Variants in RADX observed in about 807,000 individuals in gnomAD.
RADX encodes the protein RPA-related protein RADX.
RADX carries 36 observed loss-of-function variants against 61.6 expected under a neutral mutation model. The observed-to-expected ratio is 0.58, with a 90% confidence interval of 0.45 to 0.77. The LOEUF is 0.77. Among genes scored for constraint, RADX ranks in the 30% least tolerant of loss-of-function variants. The pLI is 0.00. For synonymous variants in RADX, 272 were observed against 237.9 expected (o/e 1.14, Z -1.32); for missense variants, 497 against 651.1 (o/e 0.76, Z 2.58).
intron 1 of RADX, among the ~76,000 whole-genome samples, chrX:106,620,505 T>C (rs1290906168): frequency 9.1e-6 from 1 of 109,985 alleles, no homozygotes; most frequent in Non-Finnish European, 1.9e-5. Context: ...AAACCCCGTC[T>C]CTACTAAAAA....
intron 12 of RADX, among the ~76,000 whole-genome samples, chrX:106,662,971 A>T (rs1928142062): frequency 9.0e-6 from 1 of 110,901 alleles, no homozygotes; most frequent in Non-Finnish European, 1.9e-5. Flanking sequence ...ACACAAAAAA[A>T]TTCTAAAACA....
chrX:106,667,304 GGTTTGTTTGTTT>G (rs111939588), intron 12 of RADX, among the ~76,000 whole-genome samples: 2 of 110,582 alleles, frequency 1.8e-5, no homozygotes, highest in Non-Finnish European at 3.8e-5. Context: ...GAACTCTAGT[GGTTTGTTTGTTT>G]GTTTGTTTGT....
chrX:106,653,064 A>G (rs1472984523), intron 11 of RADX, among the ~76,000 whole-genome samples: 5 of 109,240 alleles, frequency 4.6e-5, no homozygotes, highest in African/African-American at 1.7e-4. Context: ...CAAAATAAAG[A>G]CAAAAGCTGC....
chrX:106,626,875 T>A (rs759060556), intron 3 of RADX, among the ~76,000 whole-genome samples: 1 of 111,225 alleles, frequency 9.0e-6, no homozygotes, highest in Admixed American at 9.5e-5. Flanking sequence ...TTTTGCCCTC[T>A]TTTTTTAGGA....
At chrX:106,645,527 A>C (rs1296188215) in intron 10 of RADX, among the ~76,000 whole-genome samples, 1 of 111,469 alleles carries the variant, frequency 9.0e-6, no homozygotes, top group Non-Finnish European at 1.9e-5. Context: ...TAATTGAAGA[A>C]TATGCTGTTT....
chrX:106,630,738 C>T (rs1166941572), intron 3 of RADX, among the ~76,000 whole-genome samples: 1 of 110,886 alleles, frequency 9.0e-6, no homozygotes, highest in Non-Finnish European at 1.9e-5. Context: ...GGGAACAGCA[C>T]ACACTGTGGC....
At chrX:106,675,681 A>G (rs746015370) in intron 13 of RADX, among the ~76,000 whole-genome samples, 10 of 112,368 alleles carry the variant, frequency 8.9e-5, no homozygotes, top group African/African-American at 3.2e-4. Flanking sequence ...CCTTTGTCAC[A>G]CTTAACTTAT....
At chrX:106,621,957 C>T (rs1444013583) in intron 1 of RADX, among the ~76,000 whole-genome samples, 1 of 97,112 alleles carries the variant, frequency 1.0e-5, no homozygotes, top group Non-Finnish European at 2.0e-5. Context: ...GACAGGCTCT[C>T]AATTGCTCAG....
intron 2 of RADX, among the ~76,000 whole-genome samples, chrX:106,624,358 C>T (rs1412080563): frequency 9.0e-6 from 1 of 111,665 alleles, no homozygotes; most frequent in Non-Finnish European, 1.9e-5. Flanking sequence ...CTCTACTGTG[C>T]GCTCCCTGAC....
intron 8 of RADX, among the ~76,000 whole-genome samples, chrX:106,639,110 GA>G (rs1927440104): frequency 9.0e-6 from 1 of 111,016 alleles, no homozygotes; most frequent in Non-Finnish European, 1.9e-5. Flanking sequence ...CATGGTTTTG[GA>G]AAAAAAGAGA....
intron 12 of RADX, among the ~76,000 whole-genome samples, chrX:106,664,931 T>G (rs1180455691): frequency 9.0e-6 from 1 of 111,627 alleles, no homozygotes; most frequent in Non-Finnish European, 1.9e-5. Context: ...ACTTGAAGTA[T>G]ACATTGTCTA....
chrX:106,675,626 C>T lies in RADX; in HGVS notation c.2438-2502C>T, dbSNP rs189275347. Among the ~76,000 whole-genome samples the T allele has an allele frequency of 4.5e-4, 51 of 112,271 alleles. No individual in the cohort carries two copies. The East Asian group carries it at 9.2e-3, about 20-fold the overall frequency. On this transcript the variant is annotated intron_variant, in intron 13 of 13. Coordinates refer to ENST00000372548, the MANE Select transcript of RADX (RefSeq NM_018015.6). ...AAGGGAAGCCAGGACACTGTTTTTT[C>T]CTGTGACCAAAGAGAGGAAATGGAG...
chrX:106,612,788 G>A, intron 1 of RADX, 65 bp downstream of exon 1: 1 of 1,057,512 alleles, frequency 9.5e-7, no homozygotes, highest in Non-Finnish European at 1.3e-6. Context: ...TTGCGTGAAC[G>A]GGAAAGGAAA....
intron 10 of RADX, among the ~76,000 whole-genome samples, chrX:106,645,105 G>A (rs1603049047): frequency 9.0e-6 from 1 of 110,869 alleles, no homozygotes; most frequent in Admixed American, 9.6e-5. Context: ...TGCAGTATCA[G>A]TTGTAAAAGC....
At chrX:106,663,815 T>C (rs1450182179) in intron 12 of RADX, among the ~76,000 whole-genome samples, 1 of 111,556 alleles carries the variant, frequency 9.0e-6, no homozygotes, top group East Asian at 2.8e-4. Context: ...TCTAGAAACA[T>C]AGAACTTGAA....
intron 1 of RADX, among the ~76,000 whole-genome samples, chrX:106,620,832 C>A (rs1049160724): frequency 8.9e-6 from 1 of 112,121 alleles, no homozygotes; most frequent in Non-Finnish European, 1.9e-5. Context: ...ACATTTATTA[C>A]TATGAATTTA....
chrX:106,627,132 C>T (rs898187262), intron 3 of RADX, among the ~76,000 whole-genome samples: 2 of 111,958 alleles, frequency 1.8e-5, no homozygotes. Flanking sequence ...ATTGAAATCA[C>T]TTGGGGAGCT....
chrX:106,612,232 A>G lies in RADX; in HGVS notation c.152A>G (p.Glu51Gly), dbSNP rs201142543. 291 of 1,209,183 alleles carry G rather than the reference A, an allele frequency of 2.4e-4. No homozygotes were observed. Among genetic ancestry groups the G allele is most frequent in the Non-Finnish European group, 3.2e-4 (284 of 895,101 alleles). Residue 51 changes from glutamate (E) to glycine (G), a missense_variant, in exon 1 of 14, where the codon GAG becomes GGG. By Grantham distance (98) the Glu-to-Gly change is moderately conservative. Transcript: ENST00000372548. ...AGGTCCTGGATCCAAAAGGTTCTTGAGCAGATTATGGACTCACCTCGCCAG... is the reference window on the plus strand; with the variant it reads ...AGGTCCTGGATCCAAAAGGTTCTTGGGCAGATTATGGACTCACCTCGCCAG... ...GPRSWIQKVLEQIMDSPRQCV... is the reference protein window; with the variant it reads ...GPRSWIQKVLGQIMDSPRQCV...
intron 11 of RADX, among the ~76,000 whole-genome samples, chrX:106,649,403 C>T (rs1402464744): frequency 8.9e-6 from 1 of 111,776 alleles, no homozygotes; most frequent in African/African-American, 3.2e-5. Flanking sequence ...TGTTTAATAT[C>T]CAAGAAAGCA....
Sources: allele counts gnomAD v4.1 joint callset (sites outside exome capture counted in the v4.1 genomes callset), GRCh38; gene constraint gnomAD v4.1.1; transcripts MANE v1.5; gene names NCBI Gene and HGNC (gene_info 2026-07-23, HGNC 2026-07-21).